PAK5: variants seen among roughly 807,000 people sequenced by gnomAD.
PAK5 encodes the protein serine/threonine-protein kinase PAK 5.
PAK5 carries 16 observed loss-of-function variants against 65.9 expected under a neutral mutation model. The ratio of observed to expected loss-of-function variants is 0.24; its 90% CI spans 0.16 to 0.37. PAK5 has a LOEUF of 0.37. Among genes scored for constraint, PAK5 ranks in the 10% least tolerant of loss-of-function variants. The pLI, the probability that PAK5 is intolerant of heterozygous loss-of-function variation, is 1.00. For synonymous variants in PAK5, 371 were observed against 354.9 expected, an observed-to-expected ratio of 1.05 and a Z score of -0.51; for missense variants, 785 against 903.9, an observed-to-expected ratio of 0.87 and a Z score of 1.69.
intron 3 of PAK5, among the ~76,000 whole-genome samples, chr20:9,640,294 G>A (rs2047036992): frequency 1.4e-5 from 2 of 142,256 alleles, no homozygotes; most frequent in African/African-American, 5.3e-5. Flanking sequence ...TCCCACCTAT[G>A]AGTGAGAACA....
chr20:9,781,327 TG>T (rs2048938243), intron 1 of PAK5, among the ~76,000 whole-genome samples: 1 of 152,180 alleles, frequency 6.6e-6, no homozygotes, highest in Non-Finnish European at 1.5e-5. Context: ...AAAGCTTATG[TG>T]GGTCAGGTCT....
chr20:9,599,150 T>C (rs985345645), intron 3 of PAK5, among the ~76,000 whole-genome samples: 1 of 152,240 alleles, frequency 6.6e-6, no homozygotes, highest in Admixed American at 6.5e-5. Context: ...TTTATTTCAC[T>C]TCGCATAGTG....
At chr20:9,725,035 C>A (rs892040536) in intron 1 of PAK5, among the ~76,000 whole-genome samples, 2 of 151,838 alleles carry the variant, frequency 1.3e-5, no homozygotes, top group African/African-American at 4.8e-5. Flanking sequence ...TAACTACATA[C>A]CCACAAAAAT....
chr20:9,541,421 G>C (rs553714414), intron 9 of PAK5, among the ~76,000 whole-genome samples: 1 of 152,028 alleles, frequency 6.6e-6, no homozygotes, highest in African/African-American at 2.4e-5. Flanking sequence ...GACCCCACTC[G>C]GTCTCTTACA....
At chr20:9,727,965 G>T (rs375544489) in intron 1 of PAK5, among the ~76,000 whole-genome samples, 3 of 152,176 alleles carry the variant, frequency 2.0e-5, no homozygotes, top group African/African-American at 7.2e-5. Flanking sequence ...TTTTATTGGA[G>T]AATGGTGTTT....
chr20:9,833,734 G>A (rs1462526672), intron 1 of PAK5, among the ~76,000 whole-genome samples: 1 of 152,128 alleles, frequency 6.6e-6, no homozygotes, highest in Non-Finnish European at 1.5e-5. Context: ...TAATTGATCT[G>A]GGAAAAATAA....
chr20:9,672,254 T>C (rs1042391614), intron 2 of PAK5, among the ~76,000 whole-genome samples: 1 of 151,168 alleles, frequency 6.6e-6, no homozygotes, highest in Non-Finnish European at 1.5e-5. Context: ...AACCCATTTA[T>C]ATACATAACA....
chr20:9,612,406 A>T (rs2046579769), intron 3 of PAK5, among the ~76,000 whole-genome samples: 1 of 152,220 alleles, frequency 6.6e-6, no homozygotes, highest in Admixed American at 6.5e-5. Flanking sequence ...CAGGCTGTAC[A>T]GGAAGCATAA....
At chr20:9,646,291 C>T (rs544841109) in intron 2 of PAK5, among the ~76,000 whole-genome samples, 1 of 152,288 alleles carries the variant, frequency 6.6e-6, no homozygotes, top group East Asian at 1.9e-4. Flanking sequence ...TAAATATTCT[C>T]TCAGCAATGC....
chr20:9,809,343 T>TTTC (rs977703748), intron 1 of PAK5, among the ~76,000 whole-genome samples: 3 of 151,232 alleles, frequency 2.0e-5, no homozygotes, highest in Non-Finnish European at 4.4e-5. Context: ...AAATTTTTTT[T>TTTC]TTTTTTTTTG....
intron 2 of PAK5, among the ~76,000 whole-genome samples, chr20:9,682,916 C>T (rs2047669448): frequency 6.6e-6 from 1 of 152,156 alleles, no homozygotes; most frequent in Non-Finnish European, 1.5e-5. Context: ...TAGAAGGTAG[C>T]TTTATATATT....
intron 4 of PAK5, among the ~76,000 whole-genome samples, chr20:9,573,363 A>AGC (rs2045825766): frequency 6.6e-6 from 1 of 152,202 alleles, no homozygotes; most frequent in African/African-American, 2.4e-5. Flanking sequence ...ATGTATCAAA[A>AGC]TTATAAATAA....
At chr20:9,665,835 G>T (rs1389133335) in intron 2 of PAK5, among the ~76,000 whole-genome samples, 2 of 151,918 alleles carry the variant, frequency 1.3e-5, no homozygotes, top group African/African-American at 4.8e-5. Context: ...CCCTGCACTT[G>T]GCCCCTATTT....
chr20:9,645,093 T>C (rs1266371198), intron 2 of PAK5, among the ~76,000 whole-genome samples: 1 of 152,140 alleles, frequency 6.6e-6, no homozygotes, highest in Admixed American at 6.5e-5. Context: ...CACAAAGTAA[T>C]TACTTCAAGT....
chr20:9,666,331 A>T (rs1350842174), intron 2 of PAK5, among the ~76,000 whole-genome samples: 3 of 151,884 alleles, frequency 2.0e-5, no homozygotes. Flanking sequence ...GAGTCCAGTG[A>T]CAATAACAGA....
At chr20:9,749,808 A>T (rs960657456) in intron 1 of PAK5, among the ~76,000 whole-genome samples, 26 of 152,158 alleles carry the variant, frequency 1.7e-4, no homozygotes, top group Non-Finnish European at 3.2e-4. Flanking sequence ...CATCAGCTGG[A>T]CTACAGTTTA....
intron 3 of PAK5, among the ~76,000 whole-genome samples, chr20:9,582,127 G>A (rs1451501587): frequency 6.6e-6 from 1 of 152,142 alleles, no homozygotes; most frequent in Non-Finnish European, 1.5e-5. Flanking sequence ...AGAGAATACA[G>A]AGTTCTCATA....
chr20:9,783,033 G>A lies in PAK5; in HGVS notation c.-162+55729C>T, dbSNP rs141885296. Among the ~76,000 whole-genome samples, 993 of 151,306 alleles carry A rather than the reference G, an allele frequency of 6.6e-3. 12 individuals carry two copies. Among genetic ancestry groups the A allele is most frequent in the South Asian group, 0.028 (134 of 4,800 alleles). Reference sequence around the variant, plus strand: ...CAACCTCCATCTCCTAGGTTCAAGCGATTTTCCTGCTTCAGCCTCCCAAGT... The same window carrying A: ...CAACCTCCATCTCCTAGGTTCAAGCAATTTTCCTGCTTCAGCCTCCCAAGT... On this transcript the variant is annotated intron_variant, in intron 1 of 9. Transcript: ENST00000353224.
In PAK5 at chr20:9,617,705, ACC is replaced by A. The variant is rs529693075; in HGVS notation, c.204+26418_204+26419del. ...CGAGTAGCTGGGACTACAGGCGCCC[ACC>A]ACCACGGCCGGCTGATTTTTTGTAT... On this transcript the variant is annotated intron_variant, in intron 3 of 9. Transcript: ENST00000353224. Among the ~76,000 whole-genome samples the A allele has an allele frequency of 5.4e-3, 814 of 151,762 alleles. 7 individuals carry two copies. Among genetic ancestry groups the A allele is most frequent in the African/African-American group, 0.019 (773 of 41,342 alleles).
Sources: allele counts gnomAD v4.1 joint callset (sites outside exome capture counted in the v4.1 genomes callset), GRCh38; gene constraint gnomAD v4.1.1; transcripts MANE v1.5; gene names NCBI Gene and HGNC (gene_info 2026-07-23, HGNC 2026-07-21).